The following CACNA1C variants were observed in gnomAD, a reference collection of about 807,000 sequenced individuals.
CACNA1C encodes voltage-dependent L-type calcium channel subunit alpha-1C.
A neutral mutation model predicts 229.0 loss-of-function variants in CACNA1C; 30 were observed. The observed-to-expected ratio is 0.13, with a 90% CI of 0.10 to 0.18. The LOEUF is 0.18. Ranked by LOEUF, CACNA1C falls within the 10% of genes least tolerant of loss-of-function variation. The probability of loss-of-function intolerance (pLI) is 1.00; values close to 1 mark genes in which losing one functional copy is unlikely to be tolerated. For missense variants in CACNA1C, 1,658 were observed against 2,845.0 expected, an observed-to-expected ratio of 0.58 and a Z score of 9.49; for synonymous variants, 1,114 against 1,132.5, an observed-to-expected ratio of 0.98 and a Z score of 0.33.
In CACNA1C at chr12:2,486,034, G is replaced by T. The variant is rs555751401; in HGVS notation, c.758-70G>T. On this transcript the variant is annotated intron_variant, in intron 5 of 46. Transcript: ENST00000399655. This position sits in a 1 kb window ranked among gnomAD's most constrained non-coding sequence, Gnocchi z 4.9. ...TTCCTTCCTTGCAGAGTTGCTGGAA[G>T]ATTGCATGAGATGGCGTCAGCACGG... is the stretch of plus-strand genomic sequence containing the variant. 2 of 1,291,338 alleles carry T rather than the reference G, an allele frequency of 1.5e-6. No individual in the cohort carries two copies. Among genetic ancestry groups the T allele is most frequent in the Non-Finnish European group, 2.1e-6 (2 of 952,110 alleles). 80.0% of individuals were successfully genotyped at this position (1,291,338 alleles called of 1,614,324 possible).
chr12:2,689,743 C>T lies in CACNA1C; in HGVS notation c.6117+964C>T, dbSNP rs1312012152. ...CCTGCATTCATTTCACAGACCTTCCCTGAGCGCCTACCATGTGCAGGCCCT... is the reference window on the plus strand; with the variant it reads ...CCTGCATTCATTTCACAGACCTTCCTTGAGCGCCTACCATGTGCAGGCCCT... On this transcript the variant is annotated intron_variant, in intron 46 of 46. Transcript: ENST00000399655. This position sits in a 1 kb window ranked among gnomAD's most constrained non-coding sequence, Gnocchi z 4.2. 1 of 152,210 alleles carries T rather than the reference C, an allele frequency of 6.6e-6. No individual in the cohort carries two copies. Among genetic ancestry groups the T allele is most frequent in the African/African-American group, 2.4e-5 (1 of 41,448 alleles). The allele number at this position is 152,210 out of a possible 1,614,324, so 9.4% of individuals were successfully genotyped here.
At chr12:2,565,866 G>A (rs2050598264) in intron 11 of CACNA1C, among the ~76,000 whole-genome samples, 1 of 152,172 alleles carries the variant, frequency 6.6e-6, no homozygotes, top group Non-Finnish European at 1.5e-5. Context: ...AAGAGGCTGG[G>A]CAGAAAACTA....
intron 3 of CACNA1C, among the ~76,000 whole-genome samples, chr12:2,363,643 T>C (rs1391570879): frequency 6.6e-6 from 1 of 152,152 alleles, no homozygotes; most frequent in African/African-American, 2.4e-5. Context: ...AGCTTTTTTC[T>C]TTCTTTCCCC....
intron 3 of CACNA1C, among the ~76,000 whole-genome samples, chr12:2,230,882 T>G (rs2064897567): frequency 6.6e-6 from 1 of 152,218 alleles, no homozygotes; most frequent in Non-Finnish European, 1.5e-5. Flanking sequence ...ATCCCGATTT[T>G]GCAGAGGAGG....
chr12:2,609,302 A>G (rs1035482324), intron 27 of CACNA1C, among the ~76,000 whole-genome samples: 1 of 152,084 alleles, frequency 6.6e-6, no homozygotes, highest in Non-Finnish European at 1.5e-5. Context: ...GTAGTGCCTC[A>G]GGTCTGTTCC....
chr12:2,164,017 T>C (rs2096070330), intron 3 of CACNA1C, among the ~76,000 whole-genome samples: 2 of 152,188 alleles, frequency 1.3e-5, no homozygotes, highest in Admixed American at 6.5e-5. Flanking sequence ...CACCTTGCCG[T>C]GGCTTCTTCT....
chr12:2,045,972 A>G (rs1442415511), intron 1 of CACNA1C, among the ~76,000 whole-genome samples: 1 of 151,736 alleles, frequency 6.6e-6, no homozygotes, highest in African/African-American at 2.4e-5. Flanking sequence ...CCAGAAGATG[A>G]GGAGGCAAGG....
intron 3 of CACNA1C, among the ~76,000 whole-genome samples, chr12:2,418,487 A>G (rs1356132072): frequency 1.2e-4 from 18 of 151,992 alleles, no homozygotes; most frequent in Admixed American, 9.8e-4. Context: ...CCCTGCCCAC[A>G]GCAGACTGTT....
intron 13 of CACNA1C, among the ~76,000 whole-genome samples, chr12:2,577,728 G>C (rs78876954): frequency 0.12 from 18,542 of 152,214 alleles, 1,250 homozygotes; most frequent in Non-Finnish European, 0.14. Context: ...TTCATTCACT[G>C]AACAAAATGT....
rs1600339484 is a variant in CACNA1C at position 2,566,572 on chromosome 12, A to G, written c.1659A>G (p.Thr553=). 1.3e-6 allele frequency: 2 copies of G among 1,597,758 alleles called. No homozygotes were observed. Among genetic ancestry groups the G allele is most frequent in the Non-Finnish European group, 1.7e-6 (2 of 1,172,506 alleles). Reference sequence around the variant, plus strand: ...ACTACAACCAGCCCAACTGGCTCACAGAAGTCCAAGGTGAGCGGCGGCCCC... The same window carrying G: ...ACTACAACCAGCCCAACTGGCTCACGGAAGTCCAAGGTGAGCGGCGGCCCC... ...SEHYNQPNWL[T]EVQDTANKAL... Residue 553 remains threonine (T), a synonymous_variant, in exon 12 of 47, where the codon ACA becomes ACG. Coordinates refer to ENST00000399655, the MANE Select transcript of CACNA1C (RefSeq NM_000719.7). This position sits in a 1 kb window ranked among gnomAD's most constrained non-coding sequence, Gnocchi z 4.0.
intron 1 of CACNA1C, among the ~76,000 whole-genome samples, chr12:1,989,661 C>T (rs750068432): frequency 2.3e-4 from 35 of 151,108 alleles, no homozygotes; most frequent in South Asian, 4.2e-4. Context: ...TGCAATAAGC[C>T]GAGATTGTGC....
At chr12:2,073,750 G>A (rs1213896738) in intron 1 of CACNA1C, among the ~76,000 whole-genome samples, 3 of 152,212 alleles carry the variant, frequency 2.0e-5, no homozygotes, top group South Asian at 4.1e-4. Flanking sequence ...TCAGGCATCA[G>A]CAAATAAGTT....
chr12:1,979,955 T>TA (rs746543548), intron 1 of CACNA1C, among the ~76,000 whole-genome samples: 149 of 151,840 alleles, frequency 9.8e-4, no homozygotes, highest in Non-Finnish European at 1.2e-3. Context: ...CCCAGAAAAT[T>TA]AAAAAAAACA....
chr12:2,569,641 G>A (rs913266798), intron 13 of CACNA1C, among the ~76,000 whole-genome samples: 3 of 152,132 alleles, frequency 2.0e-5, no homozygotes, highest in Admixed American at 1.3e-4. Flanking sequence ...TCCTTTTATG[G>A]TGAATAATAT....
chr12:2,234,750 G>C (rs1000626624), intron 3 of CACNA1C, among the ~76,000 whole-genome samples: 1 of 152,076 alleles, frequency 6.6e-6, no homozygotes, highest in African/African-American at 2.4e-5. Flanking sequence ...ATCTGCCCTT[G>C]AGAATTTTAA....
rs550190393 is a variant in CACNA1C, at chr12:2,319,924, AG to A, written c.478-129050del. On this transcript the variant is annotated intron_variant, in intron 3 of 46. Coordinates refer to ENST00000399655, the MANE Select transcript of CACNA1C (RefSeq NM_000719.7). The surrounding 1 kb of genome is among the most constrained non-coding windows in gnomAD (Gnocchi z 4.0). The stretch of plus-strand genomic sequence containing the variant: ...AAAATGCACATCCTTCCCAGAGCTG[AG>A]GAAGCCCCATGAGCTATTCTGGTCC... Among the ~76,000 whole-genome samples the A allele has an allele frequency of 0.01, 1,571 of 152,250 alleles. 20 individuals carry two copies. Among genetic ancestry groups the A allele is most frequent in the Non-Finnish European group, 0.016 (1,104 of 68,000 alleles).
rs572111036 is a variant in CACNA1C at position 2,593,811 on chromosome 12, T to C, written c.2663+466T>C. Among the ~76,000 whole-genome samples the C allele has an allele frequency of 4.6e-5, 7 of 152,352 alleles. No homozygotes were observed. The South Asian group carries it at 1.5e-3, about 32-fold the overall frequency. On this transcript the variant is annotated intron_variant, in intron 19 of 46. Transcript: ENST00000399655. ...TGTGTGTTTGGATATATGTACACCT[T>C]ACCATTTTATTTGTTCACCATTTTT...
intron 3 of CACNA1C, among the ~76,000 whole-genome samples, chr12:2,143,378 C>CT (rs2094441037): frequency 5.3e-5 from 8 of 151,230 alleles, no homozygotes; most frequent in Admixed American, 4.0e-4. Flanking sequence ...CACTCACTCA[C>CT]TGACTCACAC....
chr12:2,240,712 C>G (rs1372793948), intron 3 of CACNA1C, among the ~76,000 whole-genome samples: 1 of 152,196 alleles, frequency 6.6e-6, no homozygotes. Flanking sequence ...GGTGCCTTCT[C>G]CACCCATGCT....
Sources: gnomAD v4.1 joint callset for allele counts (sites outside exome capture counted in the v4.1 genomes callset) on GRCh38, gnomAD v4.1.1 for gene constraint, Gnocchi (gnomAD v3.1) non-coding constraint, MANE v1.5 for transcripts, NCBI Gene and HGNC (gene_info 2026-07-23, HGNC 2026-07-21) for gene names.